DLGAP1: variants seen among roughly 807,000 people sequenced by gnomAD.
The protein encoded by DLGAP1 is disks large-associated protein 1.
In DLGAP1, 11 loss-of-function variants were observed where a neutral mutation model predicts 90.8. The ratio of observed to expected loss-of-function variants is 0.12; its 90% CI spans 0.08 to 0.20. The LOEUF (loss-of-function observed/expected upper bound fraction) is 0.20. Ranked by LOEUF, DLGAP1 falls within the 10% of genes least tolerant of loss-of-function variation. The pLI is 1.00. For synonymous variants in DLGAP1, 558 were observed against 540.7 expected, an observed-to-expected ratio of 1.03 and a Z score of -0.44; for missense variants, 1,050 against 1,333.8, an observed-to-expected ratio of 0.79 and a Z score of 3.31.
intron 7 of DLGAP1, among the ~76,000 whole-genome samples, chr18:3,697,041 G>C (rs886303752): frequency 6.6e-6 from 1 of 152,032 alleles, no homozygotes; most frequent in African/African-American, 2.4e-5. Context: ...TCAGTGGTGA[G>C]ATCCCCTTTA....
intron 3 of DLGAP1, among the ~76,000 whole-genome samples, chr18:3,900,162 T>A (rs1374358691): frequency 2.6e-5 from 4 of 152,164 alleles, no homozygotes; most frequent in Non-Finnish European, 2.9e-5. Context: ...ACCGAAGAAA[T>A]GTACTCTGTA....
intron 2 of DLGAP1, among the ~76,000 whole-genome samples, chr18:4,062,988 A>T (rs4797141): frequency 6.6e-6 from 1 of 151,514 alleles, no homozygotes; most frequent in Admixed American, 6.6e-5. Context: ...CACACACAAA[A>T]ATACATTATA....
chr18:3,993,068 A>G (rs900020553), intron 3 of DLGAP1: 1 of 122,018 alleles, frequency 8.2e-6, no homozygotes, highest in African/African-American at 3.1e-5. Context: ...TAAAAAAGCC[A>G]TTCCATGATT....
rs982982292 is a variant in DLGAP1 at position 3,560,455 on chromosome 18, T to G, written c.2057+7035A>C. Among the ~76,000 whole-genome samples, 452 of 138,862 alleles carry G rather than the reference T, an allele frequency of 3.3e-3. 25 individuals are homozygous for G. Among genetic ancestry groups the G allele is most frequent in the African/African-American group, 0.012 (419 of 35,160 alleles). 91.1% of individuals were successfully genotyped at this position (138,862 alleles called of 152,430 possible). On this transcript the variant is annotated intron_variant, in intron 9 of 12. Coordinates refer to ENST00000315677, the MANE Select transcript of DLGAP1 (RefSeq NM_004746.4). ...AAAAAAAAAAATTAGCCAGGTGTGG[T>G]GGCGTGGGCCTGTAATCCCAGCCAC... is the stretch of plus-strand genomic sequence containing the variant.
At chr18:4,083,218 C>T (rs954342309) in intron 2 of DLGAP1, among the ~76,000 whole-genome samples, 2 of 152,132 alleles carry the variant, frequency 1.3e-5, no homozygotes, top group African/African-American at 4.8e-5. Flanking sequence ...GGGATTTGAT[C>T]TTATAAATTC....
intron 5 of DLGAP1, among the ~76,000 whole-genome samples, chr18:3,793,057 C>T (rs943437163): frequency 6.6e-6 from 1 of 152,150 alleles, no homozygotes; most frequent in Non-Finnish European, 1.5e-5. Flanking sequence ...ACAAGTGCGG[C>T]GCTGTTAATA....
chr18:3,525,352 GA>G (rs887224029), intron 10 of DLGAP1, among the ~76,000 whole-genome samples: 7 of 152,162 alleles, frequency 4.6e-5, no homozygotes, highest in Non-Finnish European at 8.8e-5. Context: ...TAATCTAAAT[GA>G]AAAAAACTGT....
chr18:3,929,162 T>C (rs1051816728), intron 3 of DLGAP1, among the ~76,000 whole-genome samples: 2 of 152,200 alleles, frequency 1.3e-5, no homozygotes, highest in African/African-American at 2.4e-5. Flanking sequence ...TAGGTCTTTA[T>C]ATCAATGTGA....
At chr18:3,992,657 A>T (rs1315087806) in intron 3 of DLGAP1, among the ~76,000 whole-genome samples, 1 of 152,184 alleles carries the variant, frequency 6.6e-6, no homozygotes, top group African/African-American at 2.4e-5. Flanking sequence ...CAGCCTGGTG[A>T]CAGAGCCAGA....
In DLGAP1 at chr18:4,342,512, C is replaced by T. The variant is rs1475781329; in HGVS notation, c.-267+112494G>A. On this transcript the variant is annotated intron_variant, in intron 1 of 12. Transcript: ENST00000315677. The surrounding 1 kb of genome is among the most constrained non-coding windows in gnomAD (Gnocchi z 5.8). ...CAAATGGCCTAATGTTACCTCATTG[C>T]CCACTTTGAAAGACCATATGGTGCA... 1.3e-5 allele frequency among the ~76,000 whole-genome samples: 2 copies of T among 152,064 alleles called. No individual in the cohort carries two copies. The highest frequency in any genetic ancestry group is 4.8e-5 in the African/African-American group (2 of 41,406).
At chr18:4,410,758 T>G (rs1006155742) in intron 1 of DLGAP1, among the ~76,000 whole-genome samples, 2 of 152,064 alleles carry the variant, frequency 1.3e-5, no homozygotes, top group Admixed American at 1.3e-4. Context: ...CAAAAAAGTT[T>G]AAGATAGTGA....
At chr18:3,943,957 C>A (rs992010865) in intron 3 of DLGAP1, among the ~76,000 whole-genome samples, 1 of 152,178 alleles carries the variant, frequency 6.6e-6, no homozygotes, top group Non-Finnish European at 1.5e-5. Context: ...AACAACTCAA[C>A]CCTGTGAACG....
Position 3,729,349 on chromosome 18 carries a change from C to T in DLGAP1, c.1377G>A (p.Gln459=), listed in dbSNP as rs761383791. The T allele has an allele frequency of 6.2e-6, 10 of 1,613,698 alleles. No individual in the cohort carries two copies. Among genetic ancestry groups the T allele is most frequent in the Non-Finnish European group, 8.5e-6 (10 of 1,179,654 alleles). ...SQVSEMEVNG[Q]FESVCESVFS... ...ACACGGACTCGCACACGGACTCGAA[C>T]TGCCCGTTCACTTCCATCTCGCTCA... Residue 459 remains glutamine, a synonymous_variant, in exon 7 of 13, where the codon CAG becomes CAA. Coordinates refer to ENST00000315677, the MANE Select transcript of DLGAP1 (RefSeq NM_004746.4). The surrounding 1 kb of genome is among the most constrained non-coding windows in gnomAD (Gnocchi z 6.2).
At position 3,499,013 on chromosome 18, in the gene DLGAP1, G is replaced by A. The variant is rs7228943; in HGVS notation, c.*172C>T. ...GGGCAAACGGGTACGGGAAGTGGGGGGCTGAGGGGGGCCCGGGGGGCGGCT... is the reference window on the plus strand; with the variant it reads ...GGGCAAACGGGTACGGGAAGTGGGGAGCTGAGGGGGGCCCGGGGGGCGGCT... On this transcript the variant is annotated 3_prime_UTR_variant, in exon 13 of 13. Coordinates refer to ENST00000315677, the MANE Select transcript of DLGAP1 (RefSeq NM_004746.4). This position sits in a 1 kb window ranked among gnomAD's most constrained non-coding sequence, Gnocchi z 6.4. 8.6e-4 allele frequency: 506 copies of A among 590,438 alleles called. 2 individuals are homozygous for A. The African/African-American group carries it at 9.2e-3, about 11-fold the overall frequency. 36.6% of individuals were successfully genotyped at this position (590,438 alleles called of 1,614,324 possible).
chr18:4,111,436 A>G (rs1156750074), intron 2 of DLGAP1, among the ~76,000 whole-genome samples: 2 of 152,144 alleles, frequency 1.3e-5, no homozygotes, highest in African/African-American at 4.8e-5. Flanking sequence ...GCATCATAGA[A>G]TAAGTTAGGA....
chr18:3,628,350 C>CA (rs1314416527), intron 7 of DLGAP1, among the ~76,000 whole-genome samples: 3 of 151,872 alleles, frequency 2.0e-5, no homozygotes, highest in African/African-American at 7.3e-5. Context: ...CCATCACACT[C>CA]AGACGATTTT....
intron 1 of DLGAP1, among the ~76,000 whole-genome samples, chr18:4,242,745 A>G (rs1420081687): frequency 4.6e-5 from 7 of 152,082 alleles, no homozygotes; most frequent in Admixed American, 1.3e-4. Context: ...TCATGCATGT[A>G]ATACCCATGA....
At chr18:3,640,733 T>TA (rs1389727856) in intron 7 of DLGAP1, among the ~76,000 whole-genome samples, 1 of 152,262 alleles carries the variant, frequency 6.6e-6, no homozygotes, top group Non-Finnish European at 1.5e-5. Flanking sequence ...TCCTGTGCTT[T>TA]ACAGCAAACC....
At chr18:4,402,869 A>T (rs1022550673) in intron 1 of DLGAP1, among the ~76,000 whole-genome samples, 1 of 152,188 alleles carries the variant, frequency 6.6e-6, no homozygotes, top group African/African-American at 2.4e-5. Context: ...TTACAGGTCA[A>T]GCCAGCCTTA....
Sources: allele counts gnomAD v4.1 joint callset (sites outside exome capture counted in the v4.1 genomes callset), GRCh38; gene constraint gnomAD v4.1.1; non-coding constraint Gnocchi (gnomAD v3.1); transcripts MANE v1.5; gene names NCBI Gene and HGNC (gene_info 2026-07-23, HGNC 2026-07-21).